SQOR: variants seen among roughly 807,000 people sequenced by gnomAD.
The protein encoded by SQOR is sulfide:quinone oxidoreductase, mitochondrial.
SQOR carries 39 observed loss-of-function variants against 48.6 expected under a neutral mutation model. That is an observed-to-expected ratio of 0.80 (90% CI 0.62 to 1.05). SQOR has a LOEUF of 1.05. Ranked by LOEUF, SQOR falls within the 50% of genes least tolerant of loss-of-function variation. The probability of loss-of-function intolerance (pLI) is 0.00; values close to 1 mark genes in which losing one functional copy is unlikely to be tolerated. For synonymous variants in SQOR, 220 were observed against 206.2 expected (o/e 1.07, Z -0.57); for missense variants, 561 against 559.9 (o/e 1.00, Z -0.02).
rs1044099 is a variant in SQOR at position 45,691,065 on chromosome 15, C to T, written c.*35C>T. 1.3e-6 allele frequency: 2 copies of T among 1,597,736 alleles called. No homozygotes were observed. Among genetic ancestry groups the T allele is most frequent in the Non-Finnish European group, 1.7e-6 (2 of 1,165,078 alleles). On this transcript the variant is annotated 3_prime_UTR_variant, in exon 10 of 10. Coordinates refer to ENST00000260324, the MANE Select transcript of SQOR (RefSeq NM_021199.4). ...AGCACTTGCTCATCTTGGATGGCTTCTGGGCCAAAACTGCAGTCACTGAAT... is the reference window on the plus strand; with the variant it reads ...AGCACTTGCTCATCTTGGATGGCTTTTGGGCCAAAACTGCAGTCACTGAAT...
chr15:45,680,120 C>T (rs1193685341), intron 6 of SQOR, among the ~76,000 whole-genome samples: 1 of 152,040 alleles, frequency 6.6e-6, no homozygotes, highest in African/African-American at 2.4e-5. Flanking sequence ...CAGGGTCTCA[C>T]TCTGTTACCT....
rs531869032 is a variant in SQOR, at chr15:45,658,521, C to CACTG, written c.-17-385_-17-382dup. Among the ~76,000 whole-genome samples, 839 of 152,308 alleles carry CACTG rather than the reference C, an allele frequency of 5.5e-3. 12 individuals carry two copies. Among genetic ancestry groups the CACTG allele is most frequent in the African/African-American group, 0.019 (799 of 41,558 alleles). ...TAATGGACTGAAAATCCACAGAAAG[C>CACTG]ACTGGGGAGTGTGCCTCCGTGGAGA... On this transcript the variant is annotated intron_variant, in intron 1 of 9. Transcript: ENST00000260324.
chr15:45,654,524 C>A (rs1218179235), intron 1 of SQOR, among the ~76,000 whole-genome samples: 1 of 152,018 alleles, frequency 6.6e-6, no homozygotes, highest in African/African-American at 2.4e-5. Context: ...GCAGAAGTAG[C>A]CTTCTTGGCT....
chr15:45,657,500 G>C (rs1455168749), intron 1 of SQOR, among the ~76,000 whole-genome samples: 1 of 152,158 alleles, frequency 6.6e-6, no homozygotes, highest in Non-Finnish European at 1.5e-5. Context: ...GTATGAGCCT[G>C]TCCTACTTAC....
intron 1 of SQOR, among the ~76,000 whole-genome samples, chr15:45,649,819 G>A (rs998672837): frequency 3.3e-5 from 5 of 151,836 alleles, no homozygotes; most frequent in African/African-American, 1.2e-4. Flanking sequence ...GGGGAAATGA[G>A]AAGGTGGGAT....
chr15:45,670,790 A>G (rs113013661), intron 4 of SQOR, among the ~76,000 whole-genome samples: 53 of 152,326 alleles, frequency 3.5e-4, no homozygotes, highest in African/African-American at 1.2e-3. Flanking sequence ...GTTGTGGGAA[A>G]GTTCAGAGAA....
rs748115877 is a variant in SQOR, at chr15:45,659,083, G to C, written c.160G>C (p.Gly54Arg). 5.7e-6 allele frequency: 9 copies of C among 1,592,698 alleles called. No individual in the cohort carries two copies. The highest frequency in any genetic ancestry group is 6.8e-6 in the Non-Finnish European group (8 of 1,169,840). The change falls in exon 2 of 10, where the codon GGC becomes CGC. Residue 54 changes from glycine to arginine, a missense_variant. By Grantham distance (125) the Gly-to-Arg change is moderately radical. Transcript: ENST00000260324. ...YEVLVLGGGS[G>R]GITMAARMKR... ...GGTGCTGGTGCTGGGTGGGGGCAGT[G>C]GCGGAATCACCATGGCTGCCCGCAT...
At chr15:45,677,163 T>G (rs1303542607) in intron 6 of SQOR, among the ~76,000 whole-genome samples, 23 of 152,174 alleles carry the variant, frequency 1.5e-4, no homozygotes, top group Admixed American at 1.4e-3. Context: ...TTGCTTTAGC[T>G]TTATCATTTG....
At chr15:45,671,555 C>T (rs1889943873) in intron 4 of SQOR, among the ~76,000 whole-genome samples, 2 of 152,164 alleles carry the variant, frequency 1.3e-5, no homozygotes, top group South Asian at 4.1e-4. Context: ...ATGTAATAAC[C>T]ATGGTCACTG....
chr15:45,631,780 G>C (rs1485293281), upstream of SQOR: 1 of 152,208 alleles, frequency 6.6e-6, no homozygotes, highest in African/African-American at 2.4e-5. Context: ...TTGAATTGGG[G>C]TGTGTTCCTC....
chr15:45,683,115 T>C (rs1271450140), intron 7 of SQOR, among the ~76,000 whole-genome samples: 1 of 152,086 alleles, frequency 6.6e-6, no homozygotes, highest in African/African-American at 2.4e-5. Context: ...TTTTGAGTGC[T>C]TTGCCCCAGA....
At chr15:45,665,643 G>A (rs1007806020) in intron 3 of SQOR, among the ~76,000 whole-genome samples, 2 of 151,440 alleles carry the variant, frequency 1.3e-5, no homozygotes, top group Non-Finnish European at 2.9e-5. Flanking sequence ...GAGTGCAGTG[G>A]TGTGATCTTG....
At chr15:45,688,515 CTTTTTTT>C (rs377607911) in intron 8 of SQOR, 111 bp downstream of exon 8, 2 of 622,380 alleles carry the variant, frequency 3.2e-6, no homozygotes, top group Non-Finnish European at 5.0e-6. Context: ...TTCTGTTTTT[CTTTTTTT>C]TTTTTTTGAG....
At chr15:45,659,203 T>TGTGTGTGA in intron 2 of SQOR, 46 bp downstream of exon 2, 1 of 1,372,122 alleles carries the variant, frequency 7.3e-7, no homozygotes, top group Non-Finnish European at 9.7e-7. Flanking sequence ...TACGTGTGTG[T>TGTGTGTGA]GTGTGTGAGT....
intron 4 of SQOR, among the ~76,000 whole-genome samples, chr15:45,670,587 A>T (rs1037897423): frequency 2.6e-5 from 4 of 152,264 alleles, no homozygotes; most frequent in Non-Finnish European, 5.9e-5. Flanking sequence ...GGTAAATATT[A>T]TCATTTCCAG....
intron 3 of SQOR, among the ~76,000 whole-genome samples, chr15:45,667,941 C>CTTTTTTTTTTTTTTTTTT (rs1204451548): frequency 9.7e-6 from 1 of 103,278 alleles, no homozygotes; most frequent in Non-Finnish European, 1.9e-5. Flanking sequence ...TTCTTTCTTT[C>CTTTTTTTTTTTTTTTTTT]TTTTTTTTTT....
chr15:45,653,606 G>C (rs2140944394), intron 1 of SQOR, among the ~76,000 whole-genome samples: 1 of 152,210 alleles, frequency 6.6e-6, no homozygotes, highest in Non-Finnish European at 1.5e-5. Flanking sequence ...TTAGAGGTGG[G>C]GCTGAGAGTT....
At chr15:45,648,768 G>A (rs191180524) in intron 1 of SQOR, among the ~76,000 whole-genome samples, 4 of 152,220 alleles carry the variant, frequency 2.6e-5, no homozygotes, top group Non-Finnish European at 5.9e-5. Flanking sequence ...GCTTGGGCCA[G>A]GTCTGGCGGG....
chr15:45,647,095 A>G (rs1481486970), intron 1 of SQOR, among the ~76,000 whole-genome samples: 1 of 152,068 alleles, frequency 6.6e-6, no homozygotes, highest in Non-Finnish European at 1.5e-5. Flanking sequence ...TTAAAAATAT[A>G]TAAATTAGCT....
Sources: allele counts gnomAD v4.1 joint callset (sites outside exome capture counted in the v4.1 genomes callset), GRCh38; gene constraint gnomAD v4.1.1; transcripts MANE v1.5; gene names NCBI Gene and HGNC (gene_info 2026-07-23, HGNC 2026-07-21).